Variants in SBF2 observed in about 807,000 individuals in gnomAD.
SBF2 encodes SET binding factor 2.
In SBF2, 112 loss-of-function variants were observed where a neutral mutation model predicts 225.2. The ratio of observed to expected loss-of-function variants is 0.50; its 90% CI spans 0.43 to 0.58. The LOEUF (loss-of-function observed/expected upper bound fraction) is 0.58. Ranked by LOEUF, SBF2 falls within the 20% of genes least tolerant of loss-of-function variation. The probability of loss-of-function intolerance (pLI) is 0.00; values close to 1 mark genes in which losing one functional copy is unlikely to be tolerated. For synonymous variants in SBF2, 763 were observed against 773.3 expected, an observed-to-expected ratio of 0.99 and a Z score of 0.22; for missense variants, 1,996 against 2,206.2, an observed-to-expected ratio of 0.90 and a Z score of 1.91.
chr11:10,167,439 C>T (rs1362145645), intron 2 of SBF2, among the ~76,000 whole-genome samples: 1 of 152,130 alleles, frequency 6.6e-6, no homozygotes, highest in Non-Finnish European at 1.5e-5. Flanking sequence ...CAAGGTGGCT[C>T]ATGCCTATAG....
At chr11:10,080,209 C>T (rs953303708) in intron 2 of SBF2, among the ~76,000 whole-genome samples, 4 of 138,474 alleles carry the variant, frequency 2.9e-5, no homozygotes, top group Non-Finnish European at 4.5e-5. Flanking sequence ...GGTCACACCA[C>T]TGCACTCCAG....
At chr11:10,031,299 C>A in intron 3 of SBF2, 129 bp from the exon 4 acceptor site, 3 of 875,416 alleles carry the variant, frequency 3.4e-6, no homozygotes, top group South Asian at 3.8e-5. Flanking sequence ...TTTTAAAAAT[C>A]AAACTACAAA....
At chr11:10,236,267 C>CA (rs1340984118) in intron 1 of SBF2, among the ~76,000 whole-genome samples, 1 of 152,130 alleles carries the variant, frequency 6.6e-6, no homozygotes, top group Non-Finnish European at 1.5e-5. Context: ...GCCTGGGCAA[C>CA]ATAGTAAGAT....
At chr11:10,270,128 A>G (rs1962347387) in intron 1 of SBF2, among the ~76,000 whole-genome samples, 1 of 152,170 alleles carries the variant, frequency 6.6e-6, no homozygotes, top group Non-Finnish European at 1.5e-5. Flanking sequence ...TATTAAAATG[A>G]TAAAAACATT....
At chr11:9,974,655 CA>C (rs756406933) in intron 13 of SBF2, among the ~76,000 whole-genome samples, 346 of 98,402 alleles carry the variant, frequency 3.5e-3, no homozygotes, top group African/African-American at 7.0e-3. Flanking sequence ...CAACACCGCC[CA>C]AAAAAAAAAA....
chr11:9,953,170 G>A (rs1865958983), intron 16 of SBF2, among the ~76,000 whole-genome samples: 2 of 152,336 alleles, frequency 1.3e-5, no homozygotes, highest in South Asian at 4.1e-4. Flanking sequence ...ATTGGGTTGG[G>A]CACAGTGGCT....
At position 9,993,967 on chromosome 11, in the gene SBF2, T is replaced by C. The variant is rs762855361; in HGVS notation, c.1007A>G (p.His336Arg). The C allele has an allele frequency of 2.5e-6, 3 of 1,215,456 alleles. No homozygotes were observed. Among genetic ancestry groups the C allele is most frequent in the East Asian group, 2.3e-5 (1 of 43,026 alleles). 75.3% of individuals were successfully genotyped at this position (1,215,456 alleles called of 1,614,324 possible). A position where few individuals can be genotyped will look rare whatever the true frequency, so the allele number is the denominator to read the frequency against. Reference sequence around the variant, plus strand: ...AGCTGTTCGTGGAGGAGGAAAAGCATGATCTGCTACTTCCAAATCTGGGTG... The same window carrying C: ...AGCTGTTCGTGGAGGAGGAAAAGCACGATCTGCTACTTCCAAATCTGGGTG... ...ILHPDLEVAD[H>R]AFPPPRTALS... The change falls in exon 10 of 40, where the codon CAT (histidine) becomes CGT (arginine). Residue 336 changes from histidine to arginine, a missense_variant. His to Arg is a conservative substitution (Grantham distance 29, BLOSUM62 0). Transcript: ENST00000256190.
intron 2 of SBF2, among the ~76,000 whole-genome samples, chr11:10,117,368 G>A (rs543466580): frequency 1.3e-5 from 2 of 151,092 alleles, no homozygotes; most frequent in South Asian, 4.2e-4. Context: ...TTGAACCCAG[G>A]AGGTGGGGGT....
chr11:10,125,506 T>C (rs773466729), intron 2 of SBF2, among the ~76,000 whole-genome samples: 9 of 152,216 alleles, frequency 5.9e-5, no homozygotes, highest in Non-Finnish European at 1.0e-4. Flanking sequence ...TAAAACTACA[T>C]AGCCTCCTGC....
chr11:10,196,866 A>ATATATTTTTTT, intron 1 of SBF2, among the ~76,000 whole-genome samples: 19 of 99,308 alleles, frequency 1.9e-4, no homozygotes, highest in African/African-American at 6.0e-4. Flanking sequence ...ATATATATAT[A>ATATATTTTTTT]TTTTTTTTTT....
At chr11:9,932,957 CAA>C (rs574177096) in intron 16 of SBF2, among the ~76,000 whole-genome samples, 1,750 of 58,054 alleles carry the variant, frequency 0.03, 29 homozygotes, top group African/African-American at 0.087. Context: ...AAACGAAAAG[CAA>C]AAAAAAAAAA....
intron 16 of SBF2, among the ~76,000 whole-genome samples, chr11:9,943,779 G>A (rs1238511643): frequency 6.6e-6 from 1 of 152,196 alleles, no homozygotes; most frequent in African/African-American, 2.4e-5. Flanking sequence ...ATATATTGCT[G>A]TCAGAGTATA....
intron 16 of SBF2, among the ~76,000 whole-genome samples, chr11:9,925,701 T>C (rs2134239553): frequency 6.6e-6 from 1 of 152,394 alleles, no homozygotes; most frequent in East Asian, 1.9e-4. Context: ...GTTCCACATG[T>C]GTCACATAAA....
At chr11:9,991,241 T>C (rs1002285578) in intron 12 of SBF2, among the ~76,000 whole-genome samples, 2 of 152,326 alleles carry the variant, frequency 1.3e-5, no homozygotes. Flanking sequence ...GAAAAACTTG[T>C]CCACCTCAGG....
chr11:9,839,944 A>G (rs1856000176), intron 25 of SBF2, among the ~76,000 whole-genome samples: 1 of 152,162 alleles, frequency 6.6e-6, no homozygotes, highest in Non-Finnish European at 1.5e-5. Context: ...AGGATTAAAA[A>G]CTTCCTTTTG....
chr11:9,951,037 C>A (rs553027400), intron 16 of SBF2, among the ~76,000 whole-genome samples: 1 of 152,166 alleles, frequency 6.6e-6, no homozygotes, highest in Non-Finnish European at 1.5e-5. Flanking sequence ...AGAGTTGCTA[C>A]CAATCCAGGC....
At chr11:10,148,677 T>C (rs922936936) in intron 2 of SBF2, among the ~76,000 whole-genome samples, 16 of 151,916 alleles carry the variant, frequency 1.1e-4, no homozygotes, top group African/African-American at 3.6e-4. Flanking sequence ...AGAGAAGATA[T>C]CTGTCCTGTC....
intron 17 of SBF2, among the ~76,000 whole-genome samples, chr11:9,858,930 G>A (rs189083544): frequency 9.3e-4 from 142 of 152,170 alleles, no homozygotes; most frequent in Middle Eastern, 3.4e-3. Context: ...TTACCTCCCC[G>A]CCAAAGCTGT....
intron 6 of SBF2, among the ~76,000 whole-genome samples, chr11:10,022,150 G>C (rs1177433006): frequency 6.6e-6 from 1 of 152,088 alleles, no homozygotes; most frequent in Non-Finnish European, 1.5e-5. Flanking sequence ...AATAAACATT[G>C]ATGCCTTTTG....
Sources: gnomAD v4.1 joint callset for allele counts (sites outside exome capture counted in the v4.1 genomes callset) on GRCh38, gnomAD v4.1.1 for gene constraint, MANE v1.5 for transcripts, NCBI Gene and HGNC (gene_info 2026-07-23, HGNC 2026-07-21) for gene names.